ATP13A1: variants seen among roughly 807,000 people sequenced by gnomAD.
ATP13A1 encodes endoplasmic reticulum transmembrane helix translocase.
ATP13A1 carries 55 observed loss-of-function variants against 134.8 expected under a neutral mutation model. That is an observed-to-expected ratio of 0.41 (90% CI 0.33 to 0.51). The LOEUF is 0.51. Among genes scored for constraint, ATP13A1 ranks in the 20% least tolerant of loss-of-function variants. The probability of loss-of-function intolerance (pLI) is 0.29; values close to 1 mark genes in which losing one functional copy is unlikely to be tolerated. For synonymous variants in ATP13A1, 775 were observed against 725.1 expected, an observed-to-expected ratio of 1.07 and a Z score of -1.10; for missense variants, 1,389 against 1,652.8, an observed-to-expected ratio of 0.84 and a Z score of 2.77.
intron 15 of ATP13A1, 179 bp from the exon 16 acceptor site, chr19:19,652,899 G>C (rs1245172313): frequency 4.6e-6 from 4 of 873,874 alleles, no homozygotes; most frequent in Non-Finnish European, 6.7e-6. Flanking sequence ...CACGCTTGAG[G>C]GGTGGGATCT....
Position 19,655,981 on chromosome 19 carries a change from C to T in ATP13A1, c.1214-48G>A, listed in dbSNP as rs766613609. On this transcript the variant is annotated intron_variant, in intron 8 of 25. Coordinates refer to ENST00000357324, the MANE Select transcript of ATP13A1 (RefSeq NM_020410.3). The surrounding 1 kb of genome is among the most constrained non-coding windows in gnomAD (Gnocchi z 5.7). Reference sequence around the variant, plus strand: ...CGTCATGCCTGTCTCCTCGTCCTGACTCCCTCATGATCAAGCAGACGGGCA... The same window carrying T: ...CGTCATGCCTGTCTCCTCGTCCTGATTCCCTCATGATCAAGCAGACGGGCA... 6 of 1,609,770 alleles carry T rather than the reference C, an allele frequency of 3.7e-6. No individual in the cohort carries two copies. The Admixed American group carries it at 8.4e-5, about 22-fold the overall frequency.
intron 19 of ATP13A1, among the ~76,000 whole-genome samples, chr19:19,649,335 A>C (rs2062009032): frequency 6.6e-6 from 1 of 151,758 alleles, no homozygotes; most frequent in South Asian, 2.1e-4. Context: ...TTTCTGAGTC[A>C]CTCTCCCAAC....
In ATP13A1 at chr19:19,657,044, G is replaced by A. The variant is rs748062348; in HGVS notation, c.856C>T (p.Arg286Trp). The change falls in exon 5 of 26, where the codon CGG becomes TGG. Residue 286 changes from arginine (R) to tryptophan (W), a missense_variant. By Grantham distance (101) the Arg-to-Trp change is moderately radical. Around this residue, in one of 4 missense-constraint regions of ATP13A1, gnomAD observed 747 missense variants for 956.1 expected, o/e 0.78. Coordinates refer to ENST00000357324, the MANE Select transcript of ATP13A1 (RefSeq NM_020410.3). ...FEASLVQQQM[R>W]NMSEIRKMGN... is the part of the protein sequence containing the mutation. ...ATCTTCCGGATCTCCGACATGTTCC[G>A]CATCTGCTGCTGCACCAGCGAGGCC... 5.1e-6 allele frequency: 8 copies of A among 1,568,238 alleles called. No individual in the cohort carries two copies. The highest frequency in any genetic ancestry group is 6.1e-6 in the Non-Finnish European group (7 of 1,156,830).
chr19:19,649,905 T>C lies in ATP13A1; in HGVS notation c.2371A>G (p.Ile791Val). 1 of 1,598,882 alleles carries C rather than the reference T, an allele frequency of 6.3e-7. No individual in the cohort carries two copies. The highest frequency in any genetic ancestry group is 8.5e-7 in the Non-Finnish European group (1 of 1,179,260). ...GAGCCCCGGGCCAGGGGCAGCACGATGCTGCCGTCAATGGAGCGCCACTCG... is the reference window on the plus strand; with the variant it reads ...GAGCCCCGGGCCAGGGGCAGCACGACGCTGCCGTCAATGGAGCGCCACTCG... Reference protein sequence around the residue: ...QCEWRSIDGSIVLPLARGSPK... With the variant: ...QCEWRSIDGSVVLPLARGSPK... The change falls in exon 18 of 26, where the codon ATC becomes GTC. Residue 791 changes from isoleucine (I) to valine (V), a missense_variant. By Grantham distance (29) the Ile-to-Val change is conservative (BLOSUM62 3). Around this residue, in one of 4 missense-constraint regions of ATP13A1, gnomAD observed 747 missense variants for 956.1 expected, o/e 0.78. Coordinates refer to ENST00000357324, the MANE Select transcript of ATP13A1 (RefSeq NM_020410.3).
At chr19:19,660,345 G>A (rs1322504897) in intron 1 of ATP13A1, among the ~76,000 whole-genome samples, 2 of 152,180 alleles carry the variant, frequency 1.3e-5, no homozygotes, top group African/African-American at 2.4e-5. Flanking sequence ...AGCCGGACAC[G>A]GTGGTGCACA....
Position 19,647,389 on chromosome 19 carries a change from G to A in ATP13A1, c.2908+25C>T, listed in dbSNP as rs759525486. On this transcript the variant is annotated intron_variant, in intron 21 of 25. Transcript: ENST00000357324. The surrounding 1 kb of genome is among the most constrained non-coding windows in gnomAD (Gnocchi z 4.8). Reference sequence around the variant, plus strand: ...GGGTGCCAAGGGGGGAATGAAGGGAGGGGGAGCGGGGGCAGGCAACTCACT... The same window carrying A: ...GGGTGCCAAGGGGGGAATGAAGGGAAGGGGAGCGGGGGCAGGCAACTCACT... 1.9e-6 allele frequency: 3 copies of A among 1,607,038 alleles called. No individual in the cohort carries two copies. The highest frequency in any genetic ancestry group is 4.5e-5 in the East Asian group (2 of 44,778).
intron 19 of ATP13A1, among the ~76,000 whole-genome samples, chr19:19,648,463 G>T (rs1167847792): frequency 2.1e-5 from 3 of 142,752 alleles, no homozygotes; most frequent in East Asian, 2.1e-4. Context: ...ACGTAAGATT[G>T]ATCTTTAAAA....
intron 1 of ATP13A1, among the ~76,000 whole-genome samples, chr19:19,661,301 G>A (rs146244753): frequency 0.011 from 1,683 of 152,082 alleles, 38 homozygotes; most frequent in African/African-American, 0.039. Flanking sequence ...ACAGGCCCCC[G>A]GCCTCCTGCT....
At position 19,652,707 on chromosome 19, in the gene ATP13A1, T is replaced by C; in HGVS notation, c.2114A>G (p.Lys705Arg). ...GAGGCTGCACTCCAGGGCCTCCCGCTTGACCTCCCGGGCCTGCGGACAGAC... is the reference window on the plus strand; with the variant it reads ...GAGGCTGCACTCCAGGGCCTCCCGCCTGACCTCCCGGGCCTGCGGACAGAC... ...HLTHQQAREV[K>R]REALECSLKF... Residue 705 changes from lysine (K) to arginine (R), a missense_variant, in exon 16 of 26, where the codon AAG becomes AGG. Lys to Arg is a conservative substitution (Grantham distance 26). Coordinates refer to ENST00000357324, the MANE Select transcript of ATP13A1 (RefSeq NM_020410.3). 1.2e-6 allele frequency: 2 copies of C among 1,605,966 alleles called. No individual in the cohort carries two copies. Among genetic ancestry groups the C allele is most frequent in the Non-Finnish European group, 1.7e-6 (2 of 1,177,490 alleles).
rs1340291211 is a variant in ATP13A1, at chr19:19,655,436, G to T, written c.1414C>A (p.Arg472=). The change falls in exon 11 of 26, where the codon CGG becomes AGG. Residue 472 remains arginine (R), a synonymous_variant. Transcript: ENST00000357324. This position sits in a 1 kb window ranked among gnomAD's most constrained non-coding sequence, Gnocchi z 5.7. ...VWIEGTKDPS[R]NRYKLFLECT... ...TCCAGAAACAGCTTGTAGCGGTTCC[G>T]GCTGGGGTCCTTGGTACCTGTGGAG... 6.2e-7 allele frequency: 1 copy of T among 1,613,872 alleles called. No homozygotes were observed. The highest frequency in any genetic ancestry group is 8.5e-7 in the Non-Finnish European group (1 of 1,179,890).
chr19:19,651,625 C>G (rs905032535), intron 17 of ATP13A1, 64 bp downstream of exon 17: 1 of 1,323,142 alleles, frequency 7.6e-7, no homozygotes, highest in Non-Finnish European at 1.1e-6. Flanking sequence ...TGGGCTGTTG[C>G]GATGGGAGCT....
In ATP13A1 at chr19:19,663,565, C is replaced by T. The variant is rs964815822; in HGVS notation, c.102G>A (p.Ala34=). 20 of 1,505,994 alleles carry T rather than the reference C, an allele frequency of 1.3e-5. No individual in the cohort carries two copies. Among genetic ancestry groups the T allele is most frequent in the African/African-American group, 7.2e-5 (5 of 69,198 alleles). The allele number at this position is 1,505,994 out of a possible 1,614,324, so 93.3% of individuals were successfully genotyped here. A position where few individuals can be genotyped will look rare whatever the true frequency, so the allele number is the denominator to read the frequency against. The change falls in exon 1 of 26, where the codon GCG becomes GCA. Residue 34 remains alanine (A), a synonymous_variant. Coordinates refer to ENST00000357324, the MANE Select transcript of ATP13A1 (RefSeq NM_020410.3). The part of the protein sequence containing the change: ...GQPKPGPQPR[A]LLAAGPALIA... ...TGAGCGCCGGCCCGGCGGCAAGGAG[C>T]GCGCGCGGCTGCGGCCCGGGCTTGG...
chr19:19,663,659 G>T lies in ATP13A1; in HGVS notation c.8C>A (p.Ala3Glu). The change falls in exon 1 of 26, where the codon GCA becomes GAA. Residue 3 changes from alanine to glutamate, a missense_variant. Physicochemically the swap from Ala to Glu is moderately radical, Grantham distance 107 (BLOSUM62 -1). This residue lies in a region of ATP13A1 where 293 missense variants were observed against 270.8 expected (regional missense o/e 1.08). Coordinates refer to ENST00000357324, the MANE Select transcript of ATP13A1 (RefSeq NM_020410.3). ...CACCGCGTTGCCCACCGCCGCCGCT[G>T]CCGCCATCTTTCCTAGCGCCGCGCT... MA[A>E]AAAVGNAVPC... The T allele has an allele frequency of 7.8e-7, 1 of 1,286,362 alleles. No homozygotes were observed. The highest frequency in any genetic ancestry group is 9.8e-7 in the Non-Finnish European group (1 of 1,019,272). The allele number at this position is 1,286,362 out of a possible 1,614,324, so 79.7% of individuals were successfully genotyped here. A position where few individuals can be genotyped will look rare whatever the true frequency, so the allele number is the denominator to read the frequency against.
At chr19:19,663,195 C>A (rs901742273) in intron 1 of ATP13A1, 76 bp downstream of exon 1, 2 of 1,546,210 alleles carry the variant, frequency 1.3e-6, no homozygotes, top group Non-Finnish European at 1.7e-6. Context: ...CGATGGTGAC[C>A]GACAGGAAGG....
In ATP13A1 at chr19:19,649,553, C is replaced by T. The variant is rs779715880; in HGVS notation, c.2632+14G>A. 9.9e-6 allele frequency: 16 copies of T among 1,611,674 alleles called. No individual in the cohort carries two copies. The highest frequency in any genetic ancestry group is 2.7e-5 in the African/African-American group (2 of 74,884). On this transcript the variant is annotated intron_variant, in intron 19 of 25. Coordinates refer to ENST00000357324, the MANE Select transcript of ATP13A1 (RefSeq NM_020410.3). Reference sequence around the variant, plus strand: ...CTCGTCCACAAACGAAATACCCTAGCCCACAGCACTCACCCACGTCAGCAT... The same window carrying T: ...CTCGTCCACAAACGAAATACCCTAGTCCACAGCACTCACCCACGTCAGCAT...
At chr19:19,650,582 C>T (rs2062017883) in intron 17 of ATP13A1, 1 of 153,546 alleles carries the variant, frequency 6.5e-6, no homozygotes, top group East Asian at 1.9e-4. Flanking sequence ...ACCAGCTTCG[C>T]TTGTCAATCA....
At chr19:19,661,611 G>A (rs2062094830) in intron 1 of ATP13A1, among the ~76,000 whole-genome samples, 1 of 152,164 alleles carries the variant, frequency 6.6e-6, no homozygotes, top group Non-Finnish European at 1.5e-5. Flanking sequence ...ACACCACAAA[G>A]GCAGGGGGAT....
chr19:19,655,932 C>A lies in ATP13A1; in HGVS notation c.1215G>T (p.Pro405=). Residue 405 remains proline (P), a splice_region_variant and synonymous_variant, in exon 9 of 26, where the codon CCG becomes CCT. Coordinates refer to ENST00000357324, the MANE Select transcript of ATP13A1 (RefSeq NM_020410.3). The surrounding 1 kb of genome is among the most constrained non-coding windows in gnomAD (Gnocchi z 5.7). The stretch of plus-strand genomic sequence containing the variant: ...CGTAGGCCACGCACCCGCTGTCAAC[C>A]GCTGGGGAGAGAAGCAGAGTCACCG... The part of the protein sequence containing the change: ...PPQKATTGLK[P]VDSGCVAYVL... 1 of 1,602,622 alleles carries A rather than the reference C, an allele frequency of 6.2e-7. No individual in the cohort carries two copies. The highest frequency in any genetic ancestry group is 8.5e-7 in the Non-Finnish European group (1 of 1,178,138).
chr19:19,646,150 A>G, intron 23 of ATP13A1, 55 bp downstream of exon 23: 2 of 1,610,580 alleles, frequency 1.2e-6, no homozygotes, highest in Admixed American at 3.4e-5. Context: ...CTGTGGAGTC[A>G]TCCTCCTGCT....
Sources: gnomAD v4.1 joint callset for allele counts (sites outside exome capture counted in the v4.1 genomes callset) on GRCh38, gnomAD v4.1.1 for gene constraint, gnomAD v4.1.1 regional missense constraint, Gnocchi (gnomAD v3.1) non-coding constraint, MANE v1.5 for transcripts, NCBI Gene and HGNC (gene_info 2026-07-23, HGNC 2026-07-21) for gene names.